Variants in UBAP1 observed in about 807,000 individuals in gnomAD.
UBAP1 encodes the protein ubiquitin associated protein 1, also known as ubiquitin-associated protein 1.
A neutral mutation model predicts 39.0 loss-of-function variants in UBAP1; 5 were observed. The ratio of observed to expected loss-of-function variants is 0.13; its 90% CI spans 0.07 to 0.27. UBAP1 has a LOEUF of 0.27. Among genes scored for constraint, UBAP1 ranks in the 10% least tolerant of loss-of-function variants. The probability of loss-of-function intolerance (pLI) is 1.00; values close to 1 mark genes in which losing one functional copy is unlikely to be tolerated. For missense variants in UBAP1, 490 were observed against 608.1 expected (o/e 0.81, Z 2.04); for synonymous variants, 211 against 225.1 (o/e 0.94, Z 0.56).
chr9:34,213,725 C>CA (rs2131559912), intron 1 of UBAP1, among the ~76,000 whole-genome samples: 1 of 152,204 alleles, frequency 6.6e-6, no homozygotes, highest in African/African-American at 2.4e-5. Context: ...AAGAGGAAGT[C>CA]AAACTGTCAC....
chr9:34,230,740 G>A (rs1012369811), intron 2 of UBAP1, among the ~76,000 whole-genome samples: 2 of 152,138 alleles, frequency 1.3e-5, no homozygotes, highest in African/African-American at 2.4e-5. Flanking sequence ...GTGCTGGGGC[G>A]GGGGATGACA....
intron 2 of UBAP1, among the ~76,000 whole-genome samples, chr9:34,226,125 G>GTT (rs1833064359): frequency 7.2e-6 from 1 of 139,820 alleles, no homozygotes; most frequent in African/African-American, 2.6e-5. Context: ...GTGTGTGTGT[G>GTT]TGTGTGTGTG....
chr9:34,246,691 G>C (rs553812090), intron 4 of UBAP1, among the ~76,000 whole-genome samples: 1 of 152,354 alleles, frequency 6.6e-6, no homozygotes, highest in African/African-American at 2.4e-5. Context: ...GGGTTAAAAG[G>C]AGGTTTATGG....
intron 1 of UBAP1, among the ~76,000 whole-genome samples, chr9:34,197,081 C>G (rs1587805597): frequency 6.6e-6 from 1 of 151,914 alleles, no homozygotes; most frequent in South Asian, 2.1e-4. Context: ...GCGTGTGCCA[C>G]CACACCCGGC....
At chr9:34,250,917 C>T (rs916463493) in intron 6 of UBAP1, 158 bp downstream of exon 6, 12 of 675,926 alleles carry the variant, frequency 1.8e-5, no homozygotes, top group East Asian at 8.9e-5. Context: ...TCAGACAGGC[C>T]GAGGCCTGCG....
chr9:34,181,867 A>G (rs1250339322), intron 1 of UBAP1, among the ~76,000 whole-genome samples: 1 of 150,290 alleles, frequency 6.7e-6, no homozygotes, highest in Non-Finnish European at 1.5e-5. Context: ...TTCTTCTGAA[A>G]TATTTTTTCA....
At chr9:34,181,785 A>G (rs1310853798) in intron 1 of UBAP1, among the ~76,000 whole-genome samples, 4 of 147,746 alleles carry the variant, frequency 2.7e-5, no homozygotes, top group African/African-American at 7.6e-5. Flanking sequence ...CTCTGTAAAT[A>G]TGAAAACTTC....
intron 4 of UBAP1, 78 bp downstream of exon 4, chr9:34,242,186 A>G: frequency 7.0e-7 from 1 of 1,429,412 alleles, no homozygotes; most frequent in Non-Finnish European, 9.5e-7. Flanking sequence ...TGTTTGGTTG[A>G]TTTTTTTCGA....
Position 34,241,961 on chromosome 9 carries a change from G to T in UBAP1, c.936G>T (p.Glu312Asp), listed in dbSNP as rs562796508. The T allele has an allele frequency of 3.1e-5, 50 of 1,614,060 alleles. No individual in the cohort carries two copies. The highest frequency in any genetic ancestry group is 4.2e-5 in the Non-Finnish European group (50 of 1,180,038). ...LKPSTQSSAS[E>D]LNGHHTLGLS... The stretch of plus-strand genomic sequence containing the variant: ...CTTCCACCCAAAGCAGTGCCAGTGA[G>T]CTCAATGGGCATCACACTCTTGGGC... The change falls in exon 4 of 7, where the codon GAG becomes GAT. Residue 312 changes from glutamate (E) to aspartate (D), a missense_variant. Transcript: ENST00000297661.
At chr9:34,194,835 T>C (rs1032659229) in intron 1 of UBAP1, among the ~76,000 whole-genome samples, 5 of 152,146 alleles carry the variant, frequency 3.3e-5, no homozygotes, top group African/African-American at 1.2e-4. Flanking sequence ...AATTTAGCAG[T>C]GGGGGGTTGT....
At chr9:34,209,989 A>G (rs187593419) in intron 1 of UBAP1, among the ~76,000 whole-genome samples, 34 of 152,270 alleles carry the variant, frequency 2.2e-4, no homozygotes, top group Non-Finnish European at 4.4e-4. Context: ...TCTCTTTTCC[A>G]CAATGTCAGG....
chr9:34,250,574 C>T, intron 5 of UBAP1, 84 bp from the exon 6 acceptor site: 1 of 1,113,506 alleles, frequency 9.0e-7, no homozygotes, highest in Non-Finnish European at 1.3e-6. Flanking sequence ...GGAGAACGGA[C>T]TTCACACACT....
At chr9:34,239,733 GA>G (rs1833870174) in intron 3 of UBAP1, among the ~76,000 whole-genome samples, 1 of 152,180 alleles carries the variant, frequency 6.6e-6, no homozygotes, top group Admixed American at 6.5e-5. Flanking sequence ...AAGGGAGGAT[GA>G]GGATGATTAG....
intron 1 of UBAP1, among the ~76,000 whole-genome samples, chr9:34,214,424 G>C (rs990443758): frequency 7.2e-5 from 11 of 152,136 alleles, no homozygotes; most frequent in Admixed American, 7.2e-4. Flanking sequence ...GTGGGGAAAG[G>C]ATACCCTTTT....
At chr9:34,210,456 C>T (rs1219848296) in intron 1 of UBAP1, among the ~76,000 whole-genome samples, 1 of 152,182 alleles carries the variant, frequency 6.6e-6, no homozygotes, top group African/African-American at 2.4e-5. Context: ...CGGTGGCTCA[C>T]ACCTGTAATC....
intron 3 of UBAP1, 110 bp from the exon 4 acceptor site, chr9:34,241,075 G>T (rs755043601): frequency 5.0e-5 from 37 of 744,914 alleles, no homozygotes; most frequent in Non-Finnish European, 7.3e-5. Flanking sequence ...CTTAAATGCT[G>T]CCTTGTCCGG....
intron 2 of UBAP1, among the ~76,000 whole-genome samples, chr9:34,232,356 A>G (rs1347024472): frequency 6.6e-6 from 1 of 152,246 alleles, no homozygotes; most frequent in East Asian, 1.9e-4. Flanking sequence ...GGAATGTGAT[A>G]GGCATTGCCA....
chr9:34,229,237 C>A (rs900319513), intron 2 of UBAP1, among the ~76,000 whole-genome samples: 1 of 151,622 alleles, frequency 6.6e-6, no homozygotes, highest in African/African-American at 2.4e-5. Context: ...GCAAGGAGAT[C>A]ACTTCTCTTA....
At chr9:34,195,918 A>G (rs1437615716) in intron 1 of UBAP1, among the ~76,000 whole-genome samples, 2 of 105,106 alleles carry the variant, frequency 1.9e-5, no homozygotes, top group African/African-American at 7.0e-5. Flanking sequence ...TTTCTATACA[A>G]ATTTTTTGGT....
Sources: allele counts gnomAD v4.1 joint callset (sites outside exome capture counted in the v4.1 genomes callset), GRCh38; gene constraint gnomAD v4.1.1; transcripts MANE v1.5; gene names NCBI Gene and HGNC (gene_info 2026-07-23, HGNC 2026-07-21).